RBFOX1: variants seen among roughly 807,000 people sequenced by gnomAD.
RBFOX1 encodes RNA binding protein fox-1 homolog 1.
Under a neutral mutation model 57.7 loss-of-function variants are expected in RBFOX1, and 8 were observed. That is an observed-to-expected ratio of 0.14 (90% CI 0.08 to 0.25). RBFOX1 has a LOEUF of 0.25. Ranked by LOEUF, RBFOX1 falls within the 10% of genes least tolerant of loss-of-function variation. The pLI is 1.00. For synonymous variants in RBFOX1, 326 were observed against 222.4 expected, an observed-to-expected ratio of 1.47 and a Z score of -4.15; for missense variants, 611 against 548.5, an observed-to-expected ratio of 1.11 and a Z score of -1.14.
At chr16:5,247,045 C>G (rs548723539) in intron 1 of RBFOX1, among the ~76,000 whole-genome samples, 1 of 152,322 alleles carries the variant, frequency 6.6e-6, no homozygotes, top group South Asian at 2.1e-4. Context: ...GCTTATTTCA[C>G]TTAACGTAAT....
chr16:6,350,018 T>C (rs1380310583), intron 2 of RBFOX1, among the ~76,000 whole-genome samples: 3 of 152,178 alleles, frequency 2.0e-5, no homozygotes, highest in Non-Finnish European at 2.9e-5. Flanking sequence ...TACTATTAAT[T>C]ACTTTGGTAC....
intron 4 of RBFOX1, among the ~76,000 whole-genome samples, chr16:7,381,446 A>G (rs1303307556): frequency 6.6e-6 from 1 of 152,122 alleles, no homozygotes. Context: ...TGTTTTCTCA[A>G]TGATCTGTTA....
chr16:7,487,315 T>C (rs1361156223), intron 4 of RBFOX1, among the ~76,000 whole-genome samples: 1 of 152,198 alleles, frequency 6.6e-6, no homozygotes. Context: ...CCCATCACTG[T>C]CTTGCTCCAC....
At chr16:6,048,670 G>A (rs1388737194) in intron 1 of RBFOX1, among the ~76,000 whole-genome samples, 1 of 152,124 alleles carries the variant, frequency 6.6e-6, no homozygotes, top group African/African-American at 2.4e-5. Flanking sequence ...GTGACCTTCA[G>A]TGGCCCTTAT....
At chr16:6,445,381 C>A (rs982302958) in intron 2 of RBFOX1, among the ~76,000 whole-genome samples, 5 of 151,986 alleles carry the variant, frequency 3.3e-5, no homozygotes, top group African/African-American at 9.7e-5. Flanking sequence ...CAACTATTGC[C>A]TTTATGCATC....
chr16:6,193,457 A>G (rs2097160353), intron 1 of RBFOX1, among the ~76,000 whole-genome samples: 1 of 134,428 alleles, frequency 7.4e-6, no homozygotes, highest in South Asian at 2.4e-4. Flanking sequence ...TAGGAAATGA[A>G]CTCTAGGAGG....
chr16:5,613,745 C>T (rs1023684850), intron 3 of RBFOX1, among the ~76,000 whole-genome samples: 1 of 152,046 alleles, frequency 6.6e-6, no homozygotes, highest in Non-Finnish European at 1.5e-5. Flanking sequence ...CTTCTTTGCA[C>T]ATCTCCAAGT....
chr16:7,278,484 A>G (rs1415131243), intron 4 of RBFOX1, among the ~76,000 whole-genome samples: 1 of 152,200 alleles, frequency 6.6e-6, no homozygotes, highest in Non-Finnish European at 1.5e-5. Flanking sequence ...CATCATACAG[A>G]TCTGTCCAAT....
intron 3 of RBFOX1, among the ~76,000 whole-genome samples, chr16:7,032,231 A>G (rs1416512108): frequency 6.6e-6 from 1 of 151,916 alleles, no homozygotes; most frequent in Non-Finnish European, 1.5e-5. Context: ...TCGAGACCAG[A>G]CTGACCAACA....
intron 3 of RBFOX1, among the ~76,000 whole-genome samples, chr16:7,047,716 C>CTTTTTTTTTTTTTTT (rs55636828): frequency 1.0e-4 from 5 of 47,938 alleles, no homozygotes; most frequent in Non-Finnish European, 1.9e-4. Context: ...TCCTGCATTT[C>CTTTTTTTTTTTTTTT]TTTTTTTTTT....
chr16:5,286,438 G>T (rs1466453227), intron 1 of RBFOX1, among the ~76,000 whole-genome samples: 1 of 152,206 alleles, frequency 6.6e-6, no homozygotes, highest in Non-Finnish European at 1.5e-5. Flanking sequence ...TAGCTCTGGA[G>T]GCAGGGGAGT....
intron 4 of RBFOX1, among the ~76,000 whole-genome samples, chr16:7,382,033 C>G (rs149292745): frequency 1.7e-4 from 26 of 152,314 alleles, no homozygotes; most frequent in African/African-American, 5.1e-4. Context: ...GAAGGATGAT[C>G]TTTTCTTGTA....
At chr16:7,150,974 T>C (rs1302355097) in intron 4 of RBFOX1, among the ~76,000 whole-genome samples, 1 of 152,200 alleles carries the variant, frequency 6.6e-6, no homozygotes, top group African/African-American at 2.4e-5. Flanking sequence ...TAAATTACAT[T>C]GGGCCACATC....
chr16:5,836,540 T>C (rs905491086), intron 3 of RBFOX1, among the ~76,000 whole-genome samples: 6 of 152,216 alleles, frequency 3.9e-5, no homozygotes, highest in African/African-American at 1.4e-4. Context: ...GCCCTTCACG[T>C]CCACTTCATC....
chr16:6,395,429 G>T (rs899748223), intron 2 of RBFOX1, among the ~76,000 whole-genome samples: 4 of 151,996 alleles, frequency 2.6e-5, no homozygotes, highest in African/African-American at 9.7e-5. Context: ...CTTTTCAAAT[G>T]TTGTTTTAAT....
intron 1 of RBFOX1, among the ~76,000 whole-genome samples, chr16:5,264,400 G>C (rs1361040300): frequency 6.6e-6 from 1 of 152,134 alleles, no homozygotes; most frequent in African/African-American, 2.4e-5. Flanking sequence ...CACCTGATGA[G>C]AGCAGTGGTC....
At chr16:6,047,763 T>C (rs553024566) in intron 1 of RBFOX1, among the ~76,000 whole-genome samples, 1 of 152,312 alleles carries the variant, frequency 6.6e-6, no homozygotes, top group South Asian at 2.1e-4. Flanking sequence ...TTCAGACTTG[T>C]TTTAAAGGTT....
chr16:7,237,733 T>C (rs532298118), intron 4 of RBFOX1, among the ~76,000 whole-genome samples: 169 of 152,318 alleles, frequency 1.1e-3, no homozygotes, highest in African/African-American at 3.7e-3. Flanking sequence ...GCCGACTGTG[T>C]GGTGGCTCTA....
At chr16:6,415,242 CAAAAAAAAAA>C (rs57296761) in intron 2 of RBFOX1, among the ~76,000 whole-genome samples, 2 of 102,096 alleles carry the variant, frequency 2.0e-5, no homozygotes, top group Non-Finnish European at 3.9e-5. Flanking sequence ...AACTCTGTCA[CAAAAAAAAAA>C]AAAAAAAAAA....
Sources: gnomAD v4.1 joint callset for allele counts (sites outside exome capture counted in the v4.1 genomes callset) on GRCh38, gnomAD v4.1.1 for gene constraint, MANE v1.5 for transcripts, NCBI Gene and HGNC (gene_info 2026-07-23, HGNC 2026-07-21) for gene names.